NRXN3: variants seen among roughly 807,000 people sequenced by gnomAD.
NRXN3 encodes neurexin 3, also known as neurexin III.
NRXN3 carries 32 observed loss-of-function variants against 137.6 expected under a neutral mutation model. The ratio of observed to expected loss-of-function variants is 0.23; its 90% CI spans 0.18 to 0.31. The LOEUF (loss-of-function observed/expected upper bound fraction) is 0.31, where lower values mean the gene tolerates loss of function less well. Among genes scored for constraint, NRXN3 ranks in the 10% least tolerant of loss-of-function variants. NRXN3 has a pLI of 1.00. For synonymous variants in NRXN3, 798 were observed against 784.5 expected (o/e 1.02, Z -0.29); for missense variants, 1,574 against 2,062.5 (o/e 0.76, Z 4.59).
At chr14:78,903,407 G>A (rs1333899419) in intron 10 of NRXN3, among the ~76,000 whole-genome samples, 2 of 151,902 alleles carry the variant, frequency 1.3e-5, no homozygotes, top group African/African-American at 4.8e-5. Context: ...CTCCCAAAGT[G>A]CTTGGATTAC....
chr14:78,871,518 G>T (rs2099101301), intron 10 of NRXN3, among the ~76,000 whole-genome samples: 1 of 152,102 alleles, frequency 6.6e-6, no homozygotes, highest in Non-Finnish European at 1.5e-5. Context: ...GTACGAATTT[G>T]AATCTTTGCC....
intron 15 of NRXN3, among the ~76,000 whole-genome samples, chr14:79,258,979 T>C (rs1254934037): frequency 6.6e-6 from 1 of 152,226 alleles, no homozygotes; most frequent in African/African-American, 2.4e-5. Flanking sequence ...TGGGATCAGA[T>C]GTCCTTCAAA....
chr14:79,776,915 CAG>C (rs1168466462), intron 19 of NRXN3, among the ~76,000 whole-genome samples: 1 of 152,144 alleles, frequency 6.6e-6, no homozygotes, highest in Non-Finnish European at 1.5e-5. Flanking sequence ...CAACCCATGT[CAG>C]AGTTTGAAAG....
rs548263626 is a variant in NRXN3, at chr14:79,595,298, T to G, written c.3445-68480T>G. On this transcript the variant is annotated intron_variant, in intron 16 of 20. Coordinates refer to ENST00000335750, the MANE Select transcript of NRXN3 (RefSeq NM_001330195.2). ...AAGATAAAAGGGCATATGAAAGATTTATGGTAAATGTCTTCCATTTTCTCT... is the reference window on the plus strand; with the variant it reads ...AAGATAAAAGGGCATATGAAAGATTGATGGTAAATGTCTTCCATTTTCTCT... Among the ~76,000 whole-genome samples, 284 of 152,316 alleles carry G rather than the reference T, an allele frequency of 1.9e-3. 1 individual carries two copies. Among genetic ancestry groups the G allele is most frequent in the African/African-American group, 6.3e-3 (262 of 41,572 alleles).
chr14:79,459,522 C>T (rs1165363317), intron 15 of NRXN3, among the ~76,000 whole-genome samples: 1 of 151,914 alleles, frequency 6.6e-6, no homozygotes, highest in Non-Finnish European at 1.5e-5. Context: ...GTAGAAAAAG[C>T]CAGCACTGCT....
chr14:78,278,667 G>C lies in NRXN3; in HGVS notation c.727+5G>C. 6.5e-7 allele frequency: 1 copy of C among 1,535,116 alleles called. No individual in the cohort carries two copies. Among genetic ancestry groups the C allele is most frequent in the Non-Finnish European group, 8.7e-7 (1 of 1,146,414 alleles). ...CAGATGTCAGTCAAGATCCAGGTGA[G>C]TCTTTGTGTTTGCACAGCTGCTGTG... On this transcript the variant is annotated splice_donor_5th_base_variant and intron_variant, in intron 3 of 20. Transcript: ENST00000335750.
chr14:79,517,686 C>T (rs1426754938), intron 16 of NRXN3, among the ~76,000 whole-genome samples: 1 of 151,768 alleles, frequency 6.6e-6, no homozygotes. Context: ...AGGTGGCTAC[C>T]CAATTATTTC....
At chr14:78,547,519 C>T (rs902983770) in intron 4 of NRXN3, among the ~76,000 whole-genome samples, 18 of 151,960 alleles carry the variant, frequency 1.2e-4, no homozygotes, top group African/African-American at 3.1e-4. Flanking sequence ...TTAAAGTAGC[C>T]GATGGGATCC....
intron 1 of NRXN3, among the ~76,000 whole-genome samples, chr14:78,199,185 C>A (rs940581108): frequency 1.3e-5 from 2 of 152,158 alleles, no homozygotes; most frequent in Non-Finnish European, 2.9e-5. Context: ...AGCCAGAGGG[C>A]AGTTGAGAAT....
chr14:79,497,433 G>A (rs756874620), intron 16 of NRXN3, among the ~76,000 whole-genome samples: 1 of 151,998 alleles, frequency 6.6e-6, no homozygotes, highest in South Asian at 2.1e-4. Context: ...CCCTCCAAAT[G>A]TTACCTTATT....
At chr14:79,358,734 A>G (rs1214496496) in intron 15 of NRXN3, among the ~76,000 whole-genome samples, 1 of 152,072 alleles carries the variant, frequency 6.6e-6, no homozygotes, top group Non-Finnish European at 1.5e-5. Context: ...TGCTAAGGTT[A>G]TTTTAATTAG....
intron 15 of NRXN3, among the ~76,000 whole-genome samples, chr14:79,278,253 G>A (rs1377219319): frequency 6.6e-6 from 1 of 152,180 alleles, no homozygotes; most frequent in Admixed American, 6.5e-5. Flanking sequence ...AATGGTAGGA[G>A]GGAGTCAAAG....
intron 15 of NRXN3, among the ~76,000 whole-genome samples, chr14:79,132,044 C>T (rs146241028): frequency 0.014 from 2,035 of 144,408 alleles, 23 homozygotes; most frequent in East Asian, 0.029. Context: ...AGCTCACGCA[C>T]GGTGCGTGCA....
chr14:79,439,884 C>A (rs2095903940), intron 15 of NRXN3, among the ~76,000 whole-genome samples: 1 of 152,172 alleles, frequency 6.6e-6, no homozygotes, highest in Non-Finnish European at 1.5e-5. Flanking sequence ...ACATAAACAT[C>A]ACATGGGTAG....
Position 79,466,623 on chromosome 14 carries a change from T to TA in NRXN3, c.3263-597dup, listed in dbSNP as rs1243207398. 9.9e-5 allele frequency among the ~76,000 whole-genome samples: 15 copies of TA among 152,222 alleles called. 1 individual carries two copies. Among genetic ancestry groups the TA allele is most frequent in the Admixed American group, 7.9e-4 (12 of 15,286 alleles). The stretch of plus-strand genomic sequence containing the variant: ...AAAAACTCCTAGAAATCATTTTTGT[T>TA]ACCATGTTTATAGCAACACAATAGT... On this transcript the variant is annotated intron_variant, in intron 15 of 20. Coordinates refer to ENST00000335750, the MANE Select transcript of NRXN3 (RefSeq NM_001330195.2).
intron 4 of NRXN3, among the ~76,000 whole-genome samples, chr14:78,499,445 C>T (rs2095845513): frequency 6.6e-6 from 1 of 152,202 alleles, no homozygotes; most frequent in African/African-American, 2.4e-5. Flanking sequence ...CTCACTATAA[C>T]AGAGAACAAG....
At chr14:79,179,537 A>G (rs1014842558) in intron 15 of NRXN3, among the ~76,000 whole-genome samples, 5 of 152,182 alleles carry the variant, frequency 3.3e-5, no homozygotes, top group Admixed American at 2.6e-4. Flanking sequence ...CTGAAACTCT[A>G]GGGGAGGAAC....
At chr14:79,731,158 T>C (rs1339766974) in intron 19 of NRXN3, among the ~76,000 whole-genome samples, 1 of 152,180 alleles carries the variant, frequency 6.6e-6, no homozygotes, top group Non-Finnish European at 1.5e-5. Flanking sequence ...GTAGATCGAA[T>C]GAACACAGCA....
intron 10 of NRXN3, among the ~76,000 whole-genome samples, chr14:78,874,264 G>A (rs964626013): frequency 6.6e-6 from 1 of 152,148 alleles, no homozygotes; most frequent in African/African-American, 2.4e-5. Context: ...GAGCCACTGT[G>A]CCTGGCATGA....
Sources: gnomAD v4.1 joint callset for allele counts (sites outside exome capture counted in the v4.1 genomes callset) on GRCh38, gnomAD v4.1.1 for gene constraint, MANE v1.5 for transcripts, NCBI Gene and HGNC (gene_info 2026-07-23, HGNC 2026-07-21) for gene names.